The following TMCO4 variants were observed in gnomAD, a reference collection of about 807,000 sequenced individuals.
TMCO4 encodes the protein transmembrane and coiled-coil domains 4.
TMCO4 carries 58 observed loss-of-function variants against 64.7 expected under a neutral mutation model. The observed-to-expected ratio is 0.90, with a 90% CI of 0.73 to 1.12. The LOEUF is 1.12. Ranked by LOEUF, TMCO4 falls within the 50% of genes most tolerant of loss-of-function variation. The probability of loss-of-function intolerance (pLI) is 0.00; values close to 1 mark genes in which losing one functional copy is unlikely to be tolerated. For missense variants in TMCO4, 780 were observed against 825.9 expected (o/e 0.94, Z 0.68); for synonymous variants, 325 against 346.1 (o/e 0.94, Z 0.68).
intron 6 of TMCO4, among the ~76,000 whole-genome samples, chr1:19,762,528 G>A (rs1557585963): frequency 6.6e-6 from 1 of 152,240 alleles, no homozygotes; most frequent in Admixed American, 6.5e-5. Flanking sequence ...GAGCCAGGCT[G>A]TGTGTTCATG....
intron 2 of TMCO4, among the ~76,000 whole-genome samples, chr1:19,790,185 A>G (rs1351484278): frequency 1.3e-5 from 2 of 152,188 alleles, no homozygotes; most frequent in African/African-American, 2.4e-5. Flanking sequence ...AAGATGGATT[A>G]AAGACTTAAA....
rs1275380506 is a variant in TMCO4 at position 19,734,347 on chromosome 1, AGTGT to A, written c.1264+3021_1264+3024del. 2.7e-5 allele frequency among the ~76,000 whole-genome samples: 4 copies of A among 147,634 alleles called. No homozygotes were observed. Among genetic ancestry groups the A allele is most frequent in the African/African-American group, 1.1e-4 (4 of 37,336 alleles). ...GGGTCTGCCGAGTTGCTGCCGTGTGAGTGTGTGCAGATGCGTGTATGAATGTGTG... is the reference window on the plus strand; with the variant it reads ...GGGTCTGCCGAGTTGCTGCCGTGTGAGTGCAGATGCGTGTATGAATGTGTG... On this transcript the variant is annotated intron_variant, in intron 13 of 15. Transcript: ENST00000294543. This position sits in a 1 kb window ranked among gnomAD's most constrained non-coding sequence, Gnocchi z 4.4.
At position 19,694,148 on chromosome 1, in the gene TMCO4, C is replaced by T. The variant is rs925592456; in HGVS notation, c.1500+286G>A. ...TCCCAAGAAGCTGGGACTACAGGCA[C>T]GCACAACCATGCCCAGATAATTTAA... is the stretch of plus-strand genomic sequence containing the variant. On this transcript the variant is annotated intron_variant, in intron 15 of 15. Coordinates refer to ENST00000294543, the MANE Select transcript of TMCO4 (RefSeq NM_181719.7). Among the ~76,000 whole-genome samples the T allele has an allele frequency of 5.9e-5, 9 of 152,224 alleles. No individual in the cohort carries two copies. In the South Asian group the frequency reaches 6.2e-4, roughly 11 times the overall value.
intron 13 of TMCO4, among the ~76,000 whole-genome samples, chr1:19,713,565 G>A (rs2095341749): frequency 6.6e-6 from 1 of 152,076 alleles, no homozygotes; most frequent in African/African-American, 2.4e-5. Flanking sequence ...TGGGCATGGT[G>A]GTGTGCACCT....
At chr1:19,708,421 G>C (rs1406546578) in intron 13 of TMCO4, among the ~76,000 whole-genome samples, 4 of 147,984 alleles carry the variant, frequency 2.7e-5, no homozygotes, top group Non-Finnish European at 6.0e-5. Flanking sequence ...AAAAACCCAA[G>C]AGCTGAGAAT....
chr1:19,723,646 C>G (rs2095395791), intron 13 of TMCO4, among the ~76,000 whole-genome samples: 1 of 152,256 alleles, frequency 6.6e-6, no homozygotes, highest in Non-Finnish European at 1.5e-5. Context: ...AACACCAACA[C>G]CAATCATCAC....
chr1:19,783,797 G>C (rs1181779117), intron 3 of TMCO4, among the ~76,000 whole-genome samples: 1 of 152,188 alleles, frequency 6.6e-6, no homozygotes, highest in Non-Finnish European at 1.5e-5. Context: ...TATTTCCCCT[G>C]TTTCAGATGG....
At chr1:19,780,539 G>T in intron 4 of TMCO4, 41 bp downstream of exon 4, 1 of 1,545,750 alleles carries the variant, frequency 6.5e-7, no homozygotes, top group South Asian at 1.3e-5. Context: ...TTGTTCCCCT[G>T]AAGAAGCATG....
chr1:19,787,491 C>G (rs74594071), intron 2 of TMCO4, among the ~76,000 whole-genome samples: 1 of 152,214 alleles, frequency 6.6e-6, no homozygotes, highest in Non-Finnish European at 1.5e-5. Flanking sequence ...AGAGTGGGCA[C>G]TCAGAAAATG....
At chr1:19,774,777 T>C (rs2043138265) in intron 4 of TMCO4, among the ~76,000 whole-genome samples, 1 of 152,210 alleles carries the variant, frequency 6.6e-6, no homozygotes, top group Non-Finnish European at 1.5e-5. Flanking sequence ...ATTCTCACCA[T>C]GACCCCATGA....
At chr1:19,763,665 C>A (rs985768199) in intron 6 of TMCO4, among the ~76,000 whole-genome samples, 1 of 152,176 alleles carries the variant, frequency 6.6e-6, no homozygotes, top group East Asian at 1.9e-4. Context: ...CATATAACTG[C>A]TAACCTCACC....
intron 6 of TMCO4, among the ~76,000 whole-genome samples, chr1:19,756,628 TAA>T (rs2042267150): frequency 6.6e-6 from 1 of 152,146 alleles, no homozygotes; most frequent in African/African-American, 2.4e-5. Context: ...CAAGGGGCCA[TAA>T]AAAGTGATTC....
chr1:19,780,530 T>A, intron 4 of TMCO4, 50 bp downstream of exon 4: 1 of 1,537,612 alleles, frequency 6.5e-7, no homozygotes, highest in Non-Finnish European at 8.8e-7. Context: ...TGTCCGTAGT[T>A]GTTCCCCTGA....
At chr1:19,758,636 T>G (rs963573015) in intron 6 of TMCO4, among the ~76,000 whole-genome samples, 1 of 152,132 alleles carries the variant, frequency 6.6e-6, no homozygotes, top group Non-Finnish European at 1.5e-5. Flanking sequence ...GTTCGTAGTT[T>G]AAGGCATGTT....
intron 6 of TMCO4, among the ~76,000 whole-genome samples, chr1:19,760,195 C>A (rs2042437316): frequency 6.6e-6 from 1 of 151,788 alleles, no homozygotes; most frequent in Admixed American, 6.6e-5. Flanking sequence ...AGATGGGGAT[C>A]TTGCTATGTT....
At chr1:19,746,902 C>A (rs1235554140) in intron 8 of TMCO4, among the ~76,000 whole-genome samples, 1 of 130,646 alleles carries the variant, frequency 7.7e-6, no homozygotes, top group African/African-American at 3.1e-5. Flanking sequence ...CCAGCCTGGG[C>A]GACAGAGCAA....
chr1:19,734,033 AGT>A lies in TMCO4; in HGVS notation c.1264+3337_1264+3338del, dbSNP rs2095442025. Among the ~76,000 whole-genome samples, 1 of 152,220 alleles carries A rather than the reference AGT, an allele frequency of 6.6e-6. No individual in the cohort carries two copies. The highest frequency in any genetic ancestry group is 1.5e-5 in the Non-Finnish European group (1 of 68,044). The stretch of plus-strand genomic sequence containing the variant: ...GCATGAAAACGCAGTGTATTCCATA[AGT>A]GTGTGCTGTGTGGTTACTACTACTA... On this transcript the variant is annotated intron_variant, in intron 13 of 15. Transcript: ENST00000294543. This position sits in a 1 kb window ranked among gnomAD's most constrained non-coding sequence, Gnocchi z 4.4.
intron 14 of TMCO4, 73 bp downstream of exon 14, chr1:19,700,695 A>G: frequency 1.5e-6 from 2 of 1,329,328 alleles, no homozygotes; most frequent in Non-Finnish European, 2.1e-6. Context: ...ATGTGTCCCC[A>G]ACACAGAGCC....
At chr1:19,759,971 C>T (rs2042425255) in intron 6 of TMCO4, among the ~76,000 whole-genome samples, 1 of 152,110 alleles carries the variant, frequency 6.6e-6, no homozygotes, top group African/African-American at 2.4e-5. Flanking sequence ...GCTGTGGCCA[C>T]CTGCCCCAAG....
Sources: gnomAD v4.1 joint callset for allele counts (sites outside exome capture counted in the v4.1 genomes callset) on GRCh38, gnomAD v4.1.1 for gene constraint, Gnocchi (gnomAD v3.1) non-coding constraint, MANE v1.5 for transcripts, NCBI Gene and HGNC (gene_info 2026-07-23, HGNC 2026-07-21) for gene names.